The following SNX29 variants were observed in gnomAD, a reference collection of about 807,000 sequenced individuals.
SNX29 encodes the protein sorting nexin-29.
SNX29 carries 78 observed loss-of-function variants against 102.1 expected under a neutral mutation model. The ratio of observed to expected loss-of-function variants is 0.76; its 90% CI spans 0.64 to 0.92. The LOEUF is 0.92. Among genes scored for constraint, SNX29 ranks in the 40% least tolerant of loss-of-function variants. The pLI is 0.00. For missense variants in SNX29, 1,280 were observed against 1,061.7 expected (o/e 1.21, Z -2.86); for synonymous variants, 580 against 414.5 (o/e 1.40, Z -4.85).
In SNX29 at chr16:12,399,143, C is replaced by A. The variant is rs148952810; in HGVS notation, c.1955+642C>A. ...TCGGCTCATTGCACCCTCCGCCTAC[C>A]GGGTTTAAGTGATTCTCCTGCCTCA... On this transcript the variant is annotated intron_variant, in intron 17 of 20. Coordinates refer to ENST00000566228, the MANE Select transcript of SNX29 (RefSeq NM_032167.5). Among the ~76,000 whole-genome samples, 3 of 152,254 alleles carry A rather than the reference C, an allele frequency of 2.0e-5. No homozygotes were observed. In the East Asian group the frequency reaches 5.8e-4, roughly 29 times the overall value.
intron 20 of SNX29, among the ~76,000 whole-genome samples, chr16:12,563,152 A>C (rs67581461): frequency 0.26 from 39,236 of 151,564 alleles, 5,691 homozygotes; most frequent in East Asian, 0.41. Flanking sequence ...TCCCAGCTCC[A>C]GGGGGGGCAA....
At chr16:12,299,648 T>C (rs1264979675) in intron 15 of SNX29, among the ~76,000 whole-genome samples, 2 of 152,118 alleles carry the variant, frequency 1.3e-5, no homozygotes, top group East Asian at 3.9e-4. Flanking sequence ...GCCTTTTCAG[T>C]GTTCAGAGCT....
intron 20 of SNX29, among the ~76,000 whole-genome samples, chr16:12,559,187 TAC>T (rs774128006): frequency 3.3e-4 from 50 of 152,180 alleles, no homozygotes; most frequent in Non-Finnish European, 6.5e-4. Flanking sequence ...GGTACTGGGC[TAC>T]ACAGTGGGTG....
At chr16:12,087,133 G>A (rs1030226943) in intron 11 of SNX29, 1 of 152,518 alleles carries the variant, frequency 6.6e-6, no homozygotes, top group Non-Finnish European at 1.5e-5. Flanking sequence ...GGTGGCTCAT[G>A]TCTGTAATCT....
At chr16:12,330,091 T>C (rs1049565420) in intron 15 of SNX29, among the ~76,000 whole-genome samples, 8 of 152,168 alleles carry the variant, frequency 5.3e-5, no homozygotes, top group African/African-American at 1.9e-4. Context: ...TTTTGAGAAT[T>C]AAATAATTTA....
At chr16:12,034,342 T>C (rs183224101) in intron 4 of SNX29, among the ~76,000 whole-genome samples, 1 of 152,334 alleles carries the variant, frequency 6.6e-6, no homozygotes, top group Non-Finnish European at 1.5e-5. Flanking sequence ...TTTTCTTTTG[T>C]ATTCATGCAC....
chr16:12,570,684 TTC>T lies in SNX29; in HGVS notation c.*2057_*2058del, dbSNP rs1024412695. The T allele has an allele frequency of 1.7e-5, 4 of 231,918 alleles. No individual in the cohort carries two copies. The highest frequency in any genetic ancestry group is 6.6e-5 in the African/African-American group (3 of 45,396). The allele number at this position is 231,918 out of a possible 1,614,324, so 14.4% of individuals were successfully genotyped here. A position where few individuals can be genotyped will look rare whatever the true frequency, so the allele number is the denominator to read the frequency against. Reference sequence around the variant, plus strand: ...GGCCCAGGCTTATGACCTGCACCTTTTCTGACACCTGCCCCCAAAGCACAGGA... The same window carrying T: ...GGCCCAGGCTTATGACCTGCACCTTTTGACACCTGCCCCCAAAGCACAGGA... On this transcript the variant is annotated 3_prime_UTR_variant, in exon 21 of 21. Transcript: ENST00000566228.
Position 12,013,250 on chromosome 16 carries a change from A to G in SNX29, c.122+10207A>G, listed in dbSNP as rs951165695. Among the ~76,000 whole-genome samples the G allele has an allele frequency of 2.6e-5, 4 of 151,552 alleles. No homozygotes were observed. The South Asian group carries it at 8.3e-4, about 32-fold the overall frequency. ...AAACATATATTAGGAAAATAAAGAC[A>G]CCGAAATTCACTAGTAGTCAAGGAA... On this transcript the variant is annotated intron_variant, in intron 3 of 20. Coordinates refer to ENST00000566228, the MANE Select transcript of SNX29 (RefSeq NM_032167.5).
intron 16 of SNX29, chr16:12,372,870 T>C (rs941561216): frequency 6.6e-6 from 1 of 152,178 alleles, no homozygotes; most frequent in African/African-American, 2.4e-5. Flanking sequence ...ATGAAGTTCT[T>C]GAAAGTGGGA....
chr16:12,530,059 C>T (rs577011336), intron 20 of SNX29, among the ~76,000 whole-genome samples: 6 of 152,208 alleles, frequency 3.9e-5, no homozygotes, highest in Non-Finnish European at 5.9e-5. Flanking sequence ...TGTCCCAGTT[C>T]GGCACCGTTC....
chr16:12,381,614 C>T (rs1249381454), intron 16 of SNX29, among the ~76,000 whole-genome samples: 1 of 93,062 alleles, frequency 1.1e-5, no homozygotes, highest in Non-Finnish European at 2.2e-5. Flanking sequence ...CATCCATCAT[C>T]CATCCACCCA....
intron 19 of SNX29, among the ~76,000 whole-genome samples, chr16:12,524,137 C>T (rs949512381): frequency 6.6e-6 from 1 of 152,204 alleles, no homozygotes; most frequent in African/African-American, 2.4e-5. Flanking sequence ...CCGCCCGCGT[C>T]TGCATCGTGG....
rs962376709 is a variant in SNX29, at chr16:12,572,553, C to T, written c.*3924C>T. ...CACAGGGGGCTGCGACACCATCTGG[C>T]TCCTCACAGGGAGGTCCAGCCATGT... is the stretch of plus-strand genomic sequence containing the variant. On this transcript the variant is annotated 3_prime_UTR_variant, in exon 21 of 21. Transcript: ENST00000566228. The T allele has an allele frequency of 3.8e-6, 4 of 1,063,656 alleles. No individual in the cohort carries two copies. In the South Asian group the frequency reaches 1.8e-4, roughly 48 times the overall value. The allele number at this position is 1,063,656 out of a possible 1,614,324, so 65.9% of individuals were successfully genotyped here. A position where few individuals can be genotyped will look rare whatever the true frequency, so the allele number is the denominator to read the frequency against.
At chr16:12,206,815 T>G (rs1323414949) in intron 14 of SNX29, among the ~76,000 whole-genome samples, 1 of 29,480 alleles carries the variant, frequency 3.4e-5, no homozygotes, top group Admixed American at 6.5e-4. Flanking sequence ...AATGAGGTGG[T>G]TTTTTTTTTT....
chr16:12,365,246 C>T (rs1463776922), intron 16 of SNX29, among the ~76,000 whole-genome samples: 1 of 152,048 alleles, frequency 6.6e-6, no homozygotes, highest in Non-Finnish European at 1.5e-5. Context: ...TGTGGTGAAG[C>T]TCTTAAACAT....
At chr16:12,508,274 G>A (rs761738775) in intron 19 of SNX29, among the ~76,000 whole-genome samples, 8 of 152,158 alleles carry the variant, frequency 5.3e-5, no homozygotes, top group Non-Finnish European at 8.8e-5. Context: ...AGGGCGAGCT[G>A]GGCCCCATGC....
At chr16:12,294,075 CAGG>C (rs1418095121) in intron 15 of SNX29, among the ~76,000 whole-genome samples, 1 of 152,206 alleles carries the variant, frequency 6.6e-6, no homozygotes, top group East Asian at 1.9e-4. Flanking sequence ...ATCCAAACAC[CAGG>C]AGATGACGGT....
At chr16:12,555,856 A>T (rs1005266335) in intron 20 of SNX29, among the ~76,000 whole-genome samples, 6 of 151,930 alleles carry the variant, frequency 3.9e-5, no homozygotes, top group African/African-American at 1.5e-4. Flanking sequence ...CACCACCTCC[A>T]TCATTTTCTC....
intron 14 of SNX29, among the ~76,000 whole-genome samples, chr16:12,262,945 G>A (rs953114059): frequency 1.3e-5 from 2 of 152,114 alleles, no homozygotes; most frequent in African/African-American, 4.8e-5. Context: ...ACTACCTTTT[G>A]TTTCTGTGTA....
Sources: allele counts gnomAD v4.1 joint callset (sites outside exome capture counted in the v4.1 genomes callset), GRCh38; gene constraint gnomAD v4.1.1; transcripts MANE v1.5; gene names NCBI Gene and HGNC (gene_info 2026-07-23, HGNC 2026-07-21).